Variants in RCC1 observed in about 807,000 individuals in gnomAD.
RCC1 encodes the protein regulator of chromosome condensation.
RCC1 carries 11 observed loss-of-function variants against 44.4 expected under a neutral mutation model. That is an observed-to-expected ratio of 0.25 (90% confidence interval 0.16 to 0.41). The LOEUF (loss-of-function observed/expected upper bound fraction) is 0.41, where lower values mean the gene tolerates loss of function less well. Among genes scored for constraint, RCC1 ranks in the 10% least tolerant of loss-of-function variants. The pLI is 1.00. For synonymous variants in RCC1, 213 were observed against 216.5 expected, an observed-to-expected ratio of 0.98 and a Z score of 0.14; for missense variants, 386 against 547.1, an observed-to-expected ratio of 0.71 and a Z score of 2.94.
intron 3 of RCC1, chr1:28,509,990 T>C (rs1662384680): frequency 1.3e-5 from 2 of 152,188 alleles, no homozygotes; most frequent in Non-Finnish European, 2.9e-5. Flanking sequence ...ATTGCCAGAA[T>C]TGCTTGCCTC....
chr1:28,513,316 T>C (rs1557868389), intron 3 of RCC1, among the ~76,000 whole-genome samples: 1 of 152,076 alleles, frequency 6.6e-6, no homozygotes, highest in Non-Finnish European at 1.5e-5. Context: ...TGCCTCAGCC[T>C]CTGGAGCAGC....
At chr1:28,523,301 G>A (rs1279185595) in intron 4 of RCC1, among the ~76,000 whole-genome samples, 1 of 152,056 alleles carries the variant, frequency 6.6e-6, no homozygotes, top group African/African-American at 2.4e-5. Context: ...TTACAGGCGT[G>A]AGCCACCGCG....
intron 3 of RCC1, among the ~76,000 whole-genome samples, chr1:28,512,077 C>T (rs1230030211): frequency 6.7e-6 from 1 of 149,438 alleles, no homozygotes; most frequent in Non-Finnish European, 1.5e-5. Context: ...TGGGTTCAAG[C>T]GATTCTCCTG....
Position 28,517,981 on chromosome 1 carries a change from C to A in RCC1, c.-10+1114C>A, listed in dbSNP as rs145330442. The stretch of plus-strand genomic sequence containing the variant: ...TCTTTTTTCTCCGTACAGACCCTAC[C>A]GCACAAGATTTTCCTAAACAGACCG... On this transcript the variant is annotated intron_variant, in intron 4 of 12. Coordinates refer to ENST00000683442, the MANE Select transcript of RCC1 (RefSeq NM_001381865.2). 3.6e-4 allele frequency among the ~76,000 whole-genome samples: 55 copies of A among 152,270 alleles called. No individual in the cohort carries two copies. The East Asian group carries it at 0.01, about 28-fold the overall frequency.
intron 7 of RCC1, among the ~76,000 whole-genome samples, chr1:28,534,469 C>T (rs1248206024): frequency 1.3e-5 from 2 of 152,180 alleles, no homozygotes; most frequent in Non-Finnish European, 2.9e-5. Flanking sequence ...CATGAGCCAC[C>T]GCGCCCGGCC....
At chr1:28,530,239 C>G (rs1664044764) in intron 5 of RCC1, among the ~76,000 whole-genome samples, 1 of 152,112 alleles carries the variant, frequency 6.6e-6, no homozygotes, top group African/African-American at 2.4e-5. Context: ...GACTTTCCGA[C>G]ATGGGTTCAA....
chr1:28,520,149 C>T (rs1663179404), intron 4 of RCC1, among the ~76,000 whole-genome samples: 1 of 152,182 alleles, frequency 6.6e-6, no homozygotes, highest in Non-Finnish European at 1.5e-5. Context: ...GTGTGCCTGG[C>T]ATAACAGCAG....
At chr1:28,507,233 C>T in intron 1 of RCC1, 3 of 430,930 alleles carry the variant, frequency 7.0e-6, no homozygotes, top group East Asian at 5.7e-5. Flanking sequence ...AGTCTAGAAA[C>T]CGATTTTTTT....
chr1:28,508,408 G>T, intron 2 of RCC1: 1 of 370,434 alleles, frequency 2.7e-6, no homozygotes, highest in Non-Finnish European at 5.4e-6. Context: ...GTGCAAAGTA[G>T]TAAAAGCTGC....
At chr1:28,530,920 CTG>C (rs892205750) in intron 5 of RCC1, among the ~76,000 whole-genome samples, 12 of 152,286 alleles carry the variant, frequency 7.9e-5, no homozygotes, top group African/African-American at 2.2e-4. Context: ...TGGATGGAGA[CTG>C]GGGATTGTTC....
At chr1:28,525,024 C>T (rs766190121) in intron 4 of RCC1, among the ~76,000 whole-genome samples, 33 of 152,052 alleles carry the variant, frequency 2.2e-4, no homozygotes, top group Non-Finnish European at 1.2e-4. Flanking sequence ...TTCACGTCTC[C>T]AAAAACTGAG....
intron 3 of RCC1, among the ~76,000 whole-genome samples, chr1:28,513,239 G>T (rs116801954): frequency 0.086 from 13,095 of 151,868 alleles, 1,209 homozygotes; most frequent in African/African-American, 0.23. Context: ...GGGTTTGCGC[G>T]GCTGAAGTGC....
Position 28,531,835 on chromosome 1 carries a change from T to C in RCC1, c.106T>C (p.Leu36=). 1.9e-6 allele frequency: 3 copies of C among 1,568,288 alleles called. No homozygotes were observed. The highest frequency in any genetic ancestry group is 2.6e-6 in the Non-Finnish European group (3 of 1,160,962). The part of the protein sequence containing the change: ...SHRSHSTEPG[L]VLTLGQGDVG... ...CAGGTCCCACAGCACAGAACCCGGC[T>C]TGGTGCTGACACTAGGCCAGGGCGA... Residue 36 remains leucine (L), a synonymous_variant, in exon 6 of 13, where the codon TTG becomes CTG. Coordinates refer to ENST00000683442, the MANE Select transcript of RCC1 (RefSeq NM_001381865.2).
In RCC1 at chr1:28,535,408, G is replaced by A. The variant is rs1016028952; in HGVS notation, c.661+28G>A. The A allele has an allele frequency of 2.5e-6, 4 of 1,611,906 alleles. 1 individual carries two copies. Among genetic ancestry groups the A allele is most frequent in the South Asian group, 2.2e-5 (2 of 90,746 alleles). ...AAGTGGCCTTGGTACCTCCAGCAGG[G>A]CAAATTGGCAGGCCACCCCCACAGT... is the stretch of plus-strand genomic sequence containing the variant. On this transcript the variant is annotated intron_variant, in intron 9 of 12. Coordinates refer to ENST00000683442, the MANE Select transcript of RCC1 (RefSeq NM_001381865.2).
intron 4 of RCC1, chr1:28,518,574 A>T (rs935798064): frequency 2.7e-5 from 4 of 147,728 alleles, no homozygotes; most frequent in African/African-American, 7.4e-5. Flanking sequence ...CGCGCCTCTC[A>T]CGCCCGCACC....
intron 1 of RCC1, chr1:28,507,037 A>G (rs937626112): frequency 1.8e-5 from 3 of 164,308 alleles, no homozygotes; most frequent in African/African-American, 7.2e-5. Context: ...TTTTATTTTT[A>G]TATTTTTAGG....
At chr1:28,508,630 G>A in intron 2 of RCC1, 200 bp from the exon 3 acceptor site, 1 of 518,882 alleles carries the variant, frequency 1.9e-6, no homozygotes, top group Non-Finnish European at 3.8e-6. Flanking sequence ...TTAGGGCTCT[G>A]CCCCATGATG....
chr1:28,510,614 C>T (rs544679234), intron 3 of RCC1: 1 of 152,180 alleles, frequency 6.6e-6, no homozygotes, highest in African/African-American at 2.4e-5. Context: ...AAGGCATCTT[C>T]CTAAAGCAAT....
At chr1:28,532,715 G>A (rs1244297503) in intron 7 of RCC1, 1 of 478,530 alleles carries the variant, frequency 2.1e-6, no homozygotes, top group Non-Finnish European at 4.1e-6. Context: ...GATGGGGCAA[G>A]GAGGTGTGGA....
Sources: allele counts gnomAD v4.1 joint callset (sites outside exome capture counted in the v4.1 genomes callset), GRCh38; gene constraint gnomAD v4.1.1; transcripts MANE v1.5; gene names NCBI Gene and HGNC (gene_info 2026-07-23, HGNC 2026-07-21).